Variants in CCSER1 observed in about 807,000 individuals in gnomAD.
The protein encoded by CCSER1 is serine-rich coiled-coil domain-containing protein 1.
In CCSER1, 41 loss-of-function variants were observed where a neutral mutation model predicts 82.0. The observed-to-expected ratio is 0.50, with a 90% CI of 0.39 to 0.65. CCSER1 has a LOEUF of 0.65. CCSER1 is among the 30% of genes least tolerant of loss of function. The probability of loss-of-function intolerance (pLI) is 0.00; values close to 1 mark genes in which losing one functional copy is unlikely to be tolerated. For missense variants in CCSER1, 1,119 were observed against 1,064.2 expected (o/e 1.05, Z -0.72); for synonymous variants, 414 against 383.9 (o/e 1.08, Z -0.92).
chr4:91,539,804 T>A (rs2110192287), intron 10 of CCSER1, among the ~76,000 whole-genome samples: 1 of 152,206 alleles, frequency 6.6e-6, no homozygotes, highest in Admixed American at 6.6e-5. Context: ...ATCTTTAATT[T>A]CCAACTTATT....
intron 10 of CCSER1, among the ~76,000 whole-genome samples, chr4:91,556,007 G>C (rs1762380173): frequency 6.6e-6 from 1 of 151,160 alleles, no homozygotes; most frequent in South Asian, 2.1e-4. Flanking sequence ...AAGTTTCAAT[G>C]GCATTAATAT....
At chr4:91,265,559 G>T (rs1197496171) in intron 10 of CCSER1, among the ~76,000 whole-genome samples, 1 of 152,162 alleles carries the variant, frequency 6.6e-6, no homozygotes, top group African/African-American at 2.4e-5. Context: ...AATGCCAGTT[G>T]TATTCTGTAG....
At chr4:91,581,929 TATTA>T (rs562090023) in intron 10 of CCSER1, among the ~76,000 whole-genome samples, 60 of 151,766 alleles carry the variant, frequency 4.0e-4, no homozygotes, top group Non-Finnish European at 8.0e-4. Context: ...TGATTTACCG[TATTA>T]ATTATTTTTA....
intron 9 of CCSER1, among the ~76,000 whole-genome samples, chr4:90,946,624 CAAA>C (rs61298882): frequency 1.4e-4 from 15 of 108,404 alleles, no homozygotes; most frequent in Admixed American, 2.0e-4. Context: ...GACTGCACCT[CAAA>C]AAAAAAAAAA....
intron 10 of CCSER1, among the ~76,000 whole-genome samples, chr4:91,281,094 A>G (rs2149202464): frequency 6.6e-6 from 1 of 152,236 alleles, no homozygotes; most frequent in Non-Finnish European, 1.5e-5. Flanking sequence ...GGAAATGTAG[A>G]CCACTGGTAG....
intron 7 of CCSER1, among the ~76,000 whole-genome samples, chr4:90,734,478 C>G (rs1309622205): frequency 6.6e-6 from 1 of 152,024 alleles, no homozygotes; most frequent in South Asian, 2.1e-4. Context: ...TTTGTATCCT[C>G]TTCAATTTAT....
At chr4:90,998,606 A>G (rs996913377) in intron 9 of CCSER1, among the ~76,000 whole-genome samples, 1 of 152,186 alleles carries the variant, frequency 6.6e-6, no homozygotes, top group Non-Finnish European at 1.5e-5. Flanking sequence ...TTTATTCTTA[A>G]TTGCTCTGAA....
chr4:90,813,511 G>A (rs528839568), intron 7 of CCSER1, among the ~76,000 whole-genome samples: 1 of 152,170 alleles, frequency 6.6e-6, no homozygotes, highest in Non-Finnish European at 1.5e-5. Flanking sequence ...ATTCCCACAT[G>A]TTGTGGGAGG....
intron 5 of CCSER1, among the ~76,000 whole-genome samples, chr4:90,515,363 A>C (rs543125136): frequency 6.6e-6 from 1 of 152,174 alleles, no homozygotes; most frequent in Non-Finnish European, 1.5e-5. Flanking sequence ...CAAGTTTTAC[A>C]TGCCCCACAT....
chr4:91,036,365 A>G (rs1476083615), intron 9 of CCSER1, among the ~76,000 whole-genome samples: 1 of 152,184 alleles, frequency 6.6e-6, no homozygotes, highest in Non-Finnish European at 1.5e-5. Context: ...CTTTAAATCT[A>G]TAAATTCTAA....
intron 10 of CCSER1, among the ~76,000 whole-genome samples, chr4:91,544,237 A>G (rs1037237221): frequency 3.3e-5 from 5 of 152,098 alleles, no homozygotes; most frequent in African/African-American, 1.2e-4. Flanking sequence ...CTTCTTAGCA[A>G]TGGGTCCGAA....
chr4:90,594,974 T>C (rs933730889), intron 5 of CCSER1, among the ~76,000 whole-genome samples: 2 of 152,042 alleles, frequency 1.3e-5, no homozygotes, highest in African/African-American at 4.8e-5. Context: ...GTTCTTTTTA[T>C]TTTAATATCA....
At chr4:90,613,402 A>G (rs1720617850) in intron 5 of CCSER1, among the ~76,000 whole-genome samples, 1 of 152,144 alleles carries the variant, frequency 6.6e-6, no homozygotes, top group African/African-American at 2.4e-5. Context: ...TATATTACCA[A>G]ATGTAGTATC....
intron 10 of CCSER1, among the ~76,000 whole-genome samples, chr4:91,411,493 T>TAC (rs1469887142): frequency 4.7e-5 from 2 of 42,458 alleles, no homozygotes; most frequent in South Asian, 7.2e-4. Context: ...CATATATACA[T>TAC]ATATATATAT....
intron 10 of CCSER1, among the ~76,000 whole-genome samples, chr4:91,230,392 A>G (rs1560531760): frequency 6.6e-6 from 1 of 152,096 alleles, no homozygotes; most frequent in East Asian, 1.9e-4. Context: ...TAGATAAAAT[A>G]TAAGGGTTGA....
intron 5 of CCSER1, among the ~76,000 whole-genome samples, chr4:90,504,203 A>C (rs1194746169): frequency 6.6e-6 from 1 of 152,122 alleles, no homozygotes; most frequent in East Asian, 1.9e-4. Context: ...ATTATATACA[A>C]ATTTTTATTA....
chr4:90,414,161 G>T (rs932267269), intron 4 of CCSER1, among the ~76,000 whole-genome samples: 1 of 149,328 alleles, frequency 6.7e-6, no homozygotes. Context: ...GTTCCTAAAA[G>T]GAGATAGCCT....
intron 10 of CCSER1, among the ~76,000 whole-genome samples, chr4:91,574,964 T>A (rs1483290194): frequency 6.6e-6 from 1 of 151,906 alleles, no homozygotes; most frequent in Non-Finnish European, 1.5e-5. Context: ...GATTTCAAAT[T>A]ATATTATAAT....
chr4:90,927,761 C>T (rs1287137757), intron 9 of CCSER1, among the ~76,000 whole-genome samples: 4 of 151,966 alleles, frequency 2.6e-5, no homozygotes, highest in Admixed American at 6.6e-5. Flanking sequence ...GTGCTCCTGG[C>T]GCAGTTTGCA....
Sources: allele counts gnomAD v4.1 joint callset (sites outside exome capture counted in the v4.1 genomes callset), GRCh38; gene constraint gnomAD v4.1.1; transcripts MANE v1.5; gene names NCBI Gene and HGNC (gene_info 2026-07-23, HGNC 2026-07-21).